The following WASHC4 variants were observed in gnomAD, a reference collection of about 807,000 sequenced individuals.
WASHC4 encodes the protein WASH complex subunit 4.
In WASHC4, 86 loss-of-function variants were observed where a neutral mutation model predicts 166.6. The observed-to-expected ratio is 0.52, with a 90% confidence interval of 0.43 to 0.62. The LOEUF (loss-of-function observed/expected upper bound fraction) is 0.62. WASHC4 is among the 20% of genes least tolerant of loss of function. The pLI is 0.00. For synonymous variants in WASHC4, 446 were observed against 451.6 expected (o/e 0.99, Z 0.16); for missense variants, 1,262 against 1,382.4 (o/e 0.91, Z 1.38).
chr12:105,120,421 A>G, intron 7 of WASHC4, 134 bp from the exon 8 acceptor site: 1 of 626,296 alleles, frequency 1.6e-6, no homozygotes, highest in Admixed American at 2.8e-5. Context: ...ACGCTCTTAA[A>G]TTTTAAATAA....
At chr12:105,111,499 A>G (rs770842529) in intron 2 of WASHC4, among the ~76,000 whole-genome samples, 2 of 152,306 alleles carry the variant, frequency 1.3e-5, no homozygotes, top group Admixed American at 1.3e-4. Flanking sequence ...AATGACACAA[A>G]CTCCAAGTCT....
intron 1 of WASHC4, among the ~76,000 whole-genome samples, chr12:105,108,846 TGAATTAGGTTTTA>T (rs1188559203): frequency 3.2e-4 from 48 of 152,290 alleles, no homozygotes; most frequent in Middle Eastern, 6.8e-3. Flanking sequence ...CAATGTTAGA[TGAATTAGGTTTTA>T]CAAGTCTCTC....
At position 105,115,658 on chromosome 12, in the gene WASHC4, C is replaced by T. The variant is rs1188358494; in HGVS notation, c.368-3C>T. The stretch of plus-strand genomic sequence containing the variant: ...ATATGCTTATTCATGTTGCCTTTTA[C>T]AGCTACAGATGCCAGCATGGTGGAA... On this transcript the variant is annotated splice_polypyrimidine_tract_variant and splice_region_variant and intron_variant, in intron 5 of 32. Coordinates refer to ENST00000332180, the MANE Select transcript of WASHC4 (RefSeq NM_015275.3). The T allele has an allele frequency of 1.9e-6, 3 of 1,602,754 alleles. No individual in the cohort carries two copies. The highest frequency in any genetic ancestry group is 2.2e-5 in the South Asian group (2 of 90,840).
intron 21 of WASHC4, 35 bp downstream of exon 21, chr12:105,144,490 C>CT: frequency 2.1e-6 from 3 of 1,444,906 alleles, no homozygotes; most frequent in Non-Finnish European, 2.9e-6. Flanking sequence ...GAGTCATATT[C>CT]TCTTTTTTTT....
intron 25 of WASHC4, among the ~76,000 whole-genome samples, chr12:105,150,561 A>G (rs1430600158): frequency 6.6e-6 from 1 of 152,212 alleles, no homozygotes; most frequent in Non-Finnish European, 1.5e-5. Flanking sequence ...AGATAGGTAG[A>G]TCACTTGAGG....
At chr12:105,115,791 C>T (rs915255697) in intron 6 of WASHC4, 63 bp downstream of exon 6, 31 of 1,030,858 alleles carry the variant, frequency 3.0e-5, no homozygotes, top group Middle Eastern at 4.3e-4. Context: ...TTACACAACA[C>T]GTAAAAAGTT....
Position 105,149,741 on chromosome 12 carries a change from G to T in WASHC4, c.2641G>T (p.Asp881Tyr). The T allele has an allele frequency of 2.5e-6, 4 of 1,595,436 alleles. No individual in the cohort carries two copies. In the South Asian group the frequency reaches 4.5e-5, roughly 18 times the overall value. ...TTTCAGGGAAATTAAGGACCAAAAT[G>T]ATCATAAGGTAGGCTACCTATTCTT... ...RFFREIKDQN[D>Y]HKYPFDRAEK... The change falls in exon 25 of 33, where the codon GAT becomes TAT. Residue 881 changes from aspartate to tyrosine, a missense_variant. Transcript: ENST00000332180.
intron 1 of WASHC4, among the ~76,000 whole-genome samples, chr12:105,109,684 C>T (rs780678597): frequency 1.7e-4 from 23 of 131,686 alleles, no homozygotes; most frequent in Non-Finnish European, 3.1e-4. Context: ...GACAAGGTCT[C>T]ACTCTGTCGC....
Position 105,166,964 on chromosome 12 carries a change from T to A in WASHC4, c.*33T>A. ...GGTATTCACTGCACATATGATGAAA[T>A]CATCAGAATTGTTAAAACTTTTGCC... On this transcript the variant is annotated 3_prime_UTR_variant, in exon 33 of 33. Transcript: ENST00000332180. The A allele has an allele frequency of 6.9e-7, 1 of 1,449,752 alleles. No homozygotes were observed. Among genetic ancestry groups the A allele is most frequent in the Non-Finnish European group, 9.6e-7 (1 of 1,037,416 alleles). 89.8% of individuals were successfully genotyped at this position (1,449,752 alleles called of 1,614,324 possible). A position where few individuals can be genotyped will look rare whatever the true frequency, so the allele number is the denominator to read the frequency against.
chr12:105,142,465 A>T lies in WASHC4; in HGVS notation c.1800A>T (p.Gln600His). 2 of 1,602,858 alleles carry T rather than the reference A, an allele frequency of 1.2e-6. No individual in the cohort carries two copies. The highest frequency in any genetic ancestry group is 2.2e-5 in the South Asian group (2 of 90,864). The change falls in exon 19 of 33, where the codon CAA becomes CAT. Residue 600 changes from glutamine (Q) to histidine (H), a missense_variant. Coordinates refer to ENST00000332180, the MANE Select transcript of WASHC4 (RefSeq NM_015275.3). ...CTTTACATTGTAGAGTCCAAACACA[A>T]TGTGACTGTTGTTTTTTATACTGGC... ...ISELRERVQT[Q>H]CDCCFLYWHR...
In WASHC4 at chr12:105,160,012, C is replaced by T; in HGVS notation, c.2924C>T (p.Ser975Leu). 1 of 1,613,938 alleles carries T rather than the reference C, an allele frequency of 6.2e-7. No homozygotes were observed. The highest frequency in any genetic ancestry group is 8.5e-7 in the Non-Finnish European group (1 of 1,179,914). The change falls in exon 29 of 33, where the codon TCA becomes TTA. Residue 975 changes from serine to leucine, a missense_variant. Transcript: ENST00000332180. ...TTTTTGCTTTTTAGGCATTTGGATT[C>T]AGTCCTCAGTGATCACACACGAAAT... Reference protein sequence around the residue: ...ETLKAARHLDSVLSDHTRNSA... With the variant: ...ETLKAARHLDLVLSDHTRNSA...
chr12:105,152,264 G>C (rs975527513), intron 25 of WASHC4, 79 bp from the exon 26 acceptor site: 4 of 755,174 alleles, frequency 5.3e-6, no homozygotes, highest in African/African-American at 1.7e-5. Context: ...AAGGAGAGTA[G>C]TATTGGCATG....
intron 9 of WASHC4, 24 bp downstream of exon 9, chr12:105,121,228 A>C (rs773175201): frequency 7.4e-7 from 1 of 1,350,036 alleles, no homozygotes; most frequent in Non-Finnish European, 1.1e-6. Flanking sequence ...AATATTTTAA[A>C]ATGTTTCTTA....
chr12:105,111,102 A>C lies in WASHC4; in HGVS notation c.62-23A>C, dbSNP rs778402246. ...AATTCATTACTTGCACTTATCACAT[A>C]CTGTTTTAAAATTTAAACTTAGAAA... is the stretch of plus-strand genomic sequence containing the variant. On this transcript the variant is annotated intron_variant, in intron 1 of 32. Coordinates refer to ENST00000332180, the MANE Select transcript of WASHC4 (RefSeq NM_015275.3). 1.1e-5 allele frequency: 17 copies of C among 1,569,772 alleles called. No homozygotes were observed. The South Asian group carries it at 1.9e-4, about 17-fold the overall frequency.
chr12:105,118,770 A>G (rs1413542910), intron 7 of WASHC4, among the ~76,000 whole-genome samples: 3 of 152,302 alleles, frequency 2.0e-5, no homozygotes, highest in Non-Finnish European at 4.4e-5. Context: ...AAATTTGACC[A>G]TATAGAAGAA....
intron 1 of WASHC4, among the ~76,000 whole-genome samples, chr12:105,108,976 C>G (rs541218931): frequency 7.9e-5 from 12 of 152,232 alleles, no homozygotes; most frequent in African/African-American, 2.4e-4. Flanking sequence ...CCCGTCTCTA[C>G]TAAAAAATAA....
In WASHC4 at chr12:105,115,244, C is replaced by G; in HGVS notation, c.367+15C>G. 1 of 1,521,724 alleles carries G rather than the reference C, an allele frequency of 6.6e-7. No individual in the cohort carries two copies. Among genetic ancestry groups the G allele is most frequent in the South Asian group, 1.1e-5 (1 of 88,794 alleles). The allele number at this position is 1,521,724 out of a possible 1,614,324, so 94.3% of individuals were successfully genotyped here. On this transcript the variant is annotated intron_variant, in intron 5 of 32. Coordinates refer to ENST00000332180, the MANE Select transcript of WASHC4 (RefSeq NM_015275.3). ...TGGAGAAGGAGGTAAGTTTAAAATT[C>G]CAAATTGTGATGCCTTTTTGATATT... is the stretch of plus-strand genomic sequence containing the variant.
At chr12:105,140,126 C>T (rs1407369069) in intron 15 of WASHC4, among the ~76,000 whole-genome samples, 168 bp from the exon 16 acceptor site, 1 of 152,132 alleles carries the variant, frequency 6.6e-6, no homozygotes, top group African/African-American at 2.4e-5. Context: ...CTGCCTCGAC[C>T]TCCCAAAGTG....
chr12:105,140,603 A>G (rs73395771), intron 16 of WASHC4, among the ~76,000 whole-genome samples: 2,426 of 152,338 alleles, frequency 0.016, 43 homozygotes, highest in African/African-American at 0.042. Flanking sequence ...AGCATGTAAT[A>G]CATTAATACA....
Sources: gnomAD v4.1 joint callset for allele counts (sites outside exome capture counted in the v4.1 genomes callset) on GRCh38, gnomAD v4.1.1 for gene constraint, MANE v1.5 for transcripts, NCBI Gene and HGNC (gene_info 2026-07-23, HGNC 2026-07-21) for gene names.